Variants in LMO7 observed in about 807,000 individuals in gnomAD.
LMO7 encodes LIM domain only protein 7.
In LMO7, 120 loss-of-function variants were observed where a neutral mutation model predicts 206.5. The observed-to-expected ratio is 0.58, with a 90% CI of 0.50 to 0.68. The LOEUF is 0.68. LMO7 is among the 30% of genes least tolerant of loss of function. LMO7 has a pLI of 0.00. For synonymous variants in LMO7, 706 were observed against 681.5 expected, an observed-to-expected ratio of 1.04 and a Z score of -0.56; for missense variants, 1,959 against 1,957.9, an observed-to-expected ratio of 1.00 and a Z score of -0.01.
At chr13:75,796,866 C>A in intron 6 of LMO7, 117 bp downstream of exon 6, 1 of 665,234 alleles carries the variant, frequency 1.5e-6, no homozygotes, top group Non-Finnish European at 2.6e-6. Context: ...AACTCCGACT[C>A]TCTTTGTCCT....
rs769943047 is a variant in LMO7, at chr13:75,760,889, G to C, written c.211-43G>C. On this transcript the variant is annotated intron_variant, in intron 3 of 30. Transcript: ENST00000377534. The stretch of plus-strand genomic sequence containing the variant: ...ATAAAAATTTGTAACCTTTGTCTGA[G>C]AGAGAGCTCAGCTAAGCAATCACTT... 21 of 1,610,428 alleles carry C rather than the reference G, an allele frequency of 1.3e-5. No individual in the cohort carries two copies. In the South Asian group the frequency reaches 2.0e-4, roughly 15 times the overall value.
At chr13:75,827,966 C>G (rs1164485046) in intron 15 of LMO7, among the ~76,000 whole-genome samples, 1 of 152,182 alleles carries the variant, frequency 6.6e-6, no homozygotes, top group Non-Finnish European at 1.5e-5. Context: ...TGCTTCTCAC[C>G]TTCACTAGGA....
intron 1 of LMO7, among the ~76,000 whole-genome samples, chr13:75,705,638 A>G (rs1229010685): frequency 6.6e-6 from 1 of 152,218 alleles, no homozygotes; most frequent in Non-Finnish European, 1.5e-5. Context: ...GTCACACCTT[A>G]AATAACTTGC....
At chr13:75,739,173 G>A (rs1443956802) in intron 3 of LMO7, among the ~76,000 whole-genome samples, 1 of 152,198 alleles carries the variant, frequency 6.6e-6, no homozygotes. Flanking sequence ...CTCTTTGGCT[G>A]GCTGACTGTA....
At position 75,796,705 on chromosome 13, in the gene LMO7, A is replaced by C; in HGVS notation, c.418A>C (p.Asn140His). The change falls in exon 6 of 31, where the codon AAT (asparagine) becomes CAT (histidine). Residue 140 changes from asparagine to histidine, a missense_variant. Physicochemically the swap from Asn to His is moderately conservative, Grantham distance 68. Transcript: ENST00000377534. Reference sequence around the variant, plus strand: ...CCCGTACTATAATGGTCCCCATCTTAATTTGAAAGCGTTTGAGAATCTTTT... The same window carrying C: ...CCCGTACTATAATGGTCCCCATCTTCATTTGAAAGCGTTTGAGAATCTTTT... ...SNPYYNGPHL[N>H]LKAFENLLGQ... 1.2e-6 allele frequency: 2 copies of C among 1,613,676 alleles called. No homozygotes were observed. Among genetic ancestry groups the C allele is most frequent in the Non-Finnish European group, 1.7e-6 (2 of 1,179,700 alleles).
intron 7 of LMO7, among the ~76,000 whole-genome samples, chr13:75,802,424 G>T (rs753263000): frequency 6.6e-6 from 1 of 152,158 alleles, no homozygotes; most frequent in Non-Finnish European, 1.5e-5. Context: ...TTCTGAACCC[G>T]CTGTATTTCT....
upstream of LMO7, among the ~76,000 whole-genome samples, chr13:75,633,329 T>C (rs1213726535): frequency 6.6e-6 from 1 of 152,204 alleles, no homozygotes; most frequent in Non-Finnish European, 1.5e-5. Flanking sequence ...TTCCTGAAGC[T>C]TGCTCATCAG....
chr13:75,855,330 G>T lies in LMO7; in HGVS notation c.4732G>T (p.Glu1578Ter). ...ILGKGAAMII[E>*]SLGLCYHLHC... The stretch of plus-strand genomic sequence containing the variant: ...GGGCAAAGGAGCCGCCATGATCATC[G>T]AGTCCCTGGGTCTTTGTTATCATTT... The change falls in exon 29 of 31, where the codon GAG (glutamate) becomes TAG (stop). Residue 1578 changes from glutamate to a stop codon, truncating the protein, a stop_gained. Transcript: ENST00000377534. LOFTEE classifies it high-confidence loss of function. 6.2e-7 allele frequency: 1 copy of T among 1,613,696 alleles called. No individual in the cohort carries two copies. The highest frequency in any genetic ancestry group is 8.5e-7 in the Non-Finnish European group (1 of 1,179,642).
intron 3 of LMO7, among the ~76,000 whole-genome samples, chr13:75,759,166 G>GTGATA (rs2047937748): frequency 6.6e-6 from 1 of 152,036 alleles, no homozygotes; most frequent in Admixed American, 6.6e-5. Context: ...GAACAGCATG[G>GTGATA]GGGAAACTGC....
chr13:75,820,094 A>G (rs2057424515), intron 13 of LMO7, among the ~76,000 whole-genome samples: 1 of 152,216 alleles, frequency 6.6e-6, no homozygotes, highest in Non-Finnish European at 1.5e-5. Context: ...CAGGATATTT[A>G]CAGATCAAGG....
chr13:75,727,051 G>A lies in LMO7; in HGVS notation c.163G>A (p.Gly55Ser). ...LCDLINKLKP[G>S]VIKKINRLST... ...CAGTTTGATTAATAAGCTTAAACCT[G>A]GCGTCATTAAGAAGATCAATAGACT... is the stretch of plus-strand genomic sequence containing the variant. The change falls in exon 3 of 31, where the codon GGC becomes AGC. Residue 55 changes from glycine to serine, a missense_variant. Physicochemically the swap from Gly to Ser is moderately conservative, Grantham distance 56 (BLOSUM62 0). Coordinates refer to ENST00000377534, the MANE Select transcript of LMO7 (RefSeq NM_001306080.2). 6.3e-7 allele frequency: 1 copy of A among 1,587,256 alleles called. No individual in the cohort carries two copies. Among genetic ancestry groups the A allele is most frequent in the Non-Finnish European group, 8.6e-7 (1 of 1,156,564 alleles).
chr13:75,727,578 T>G (rs541533069), intron 3 of LMO7, among the ~76,000 whole-genome samples: 1 of 152,240 alleles, frequency 6.6e-6, no homozygotes, highest in South Asian at 2.1e-4. Flanking sequence ...ATATATAATT[T>G]TAGATAAATG....
At chr13:75,837,515 T>C (rs1358538497) in intron 19 of LMO7, among the ~76,000 whole-genome samples, 1 of 152,190 alleles carries the variant, frequency 6.6e-6, no homozygotes, top group African/African-American at 2.4e-5. Flanking sequence ...TATGCCATAG[T>C]CTTGTGACAG....
At chr13:75,771,437 G>A (rs990696764) in intron 4 of LMO7, among the ~76,000 whole-genome samples, 5 of 109,944 alleles carry the variant, frequency 4.5e-5, no homozygotes, top group African/African-American at 1.1e-4. Flanking sequence ...GAACATTCTT[G>A]TTAAGTGCTG....
Position 75,859,698 on chromosome 13 carries a change from T to C in LMO7, c.*1755T>C, listed in dbSNP as rs1237378893. 1 of 152,220 alleles carries C rather than the reference T, an allele frequency of 6.6e-6. No individual in the cohort carries two copies. The highest frequency in any genetic ancestry group is 2.4e-5 in the African/African-American group (1 of 41,454). 9.4% of individuals were successfully genotyped at this position (152,220 alleles called of 1,614,324 possible). A position where few individuals can be genotyped will look rare whatever the true frequency, so the allele number is the denominator to read the frequency against. The stretch of plus-strand genomic sequence containing the variant: ...CTCATAGTATATATTGCCAAAGTGG[T>C]TTCCAGAAAGGCACTGCTGGCTTCG... On this transcript the variant is annotated 3_prime_UTR_variant, in exon 31 of 31. Coordinates refer to ENST00000377534, the MANE Select transcript of LMO7 (RefSeq NM_001306080.2).
chr13:75,812,864 T>C (rs2056559757), intron 11 of LMO7, among the ~76,000 whole-genome samples: 2 of 152,234 alleles, frequency 1.3e-5, no homozygotes, highest in African/African-American at 4.8e-5. Context: ...AGACATACGA[T>C]GTGATTTGCC....
At chr13:75,672,663 G>A (rs948238298) in intron 1 of LMO7, among the ~76,000 whole-genome samples, 1 of 152,116 alleles carries the variant, frequency 6.6e-6, no homozygotes, top group Admixed American at 6.5e-5. Context: ...CTGCTCAGTT[G>A]TTGCTTTGCC....
intron 6 of LMO7, 111 bp from the exon 7 acceptor site, chr13:75,800,573 A>G (rs1393038906): frequency 2.2e-6 from 2 of 910,314 alleles, no homozygotes; most frequent in African/African-American, 1.7e-5. Flanking sequence ...CATGCCTTAC[A>G]TGTCAAATAA....
intron 4 of LMO7, among the ~76,000 whole-genome samples, chr13:75,777,313 C>T (rs1594901762): frequency 6.6e-6 from 1 of 152,168 alleles, no homozygotes; most frequent in Non-Finnish European, 1.5e-5. Context: ...GACAACTTAC[C>T]TGCTTTAACC....
Sources: allele counts gnomAD v4.1 joint callset (sites outside exome capture counted in the v4.1 genomes callset), GRCh38; gene constraint gnomAD v4.1.1; transcripts MANE v1.5; gene names NCBI Gene and HGNC (gene_info 2026-07-23, HGNC 2026-07-21).